The following DCLK2 variants were observed in gnomAD, a reference collection of about 807,000 sequenced individuals.
DCLK2 encodes serine/threonine-protein kinase DCLK2.
In DCLK2, 31 loss-of-function variants were observed where a neutral mutation model predicts 78.4. That is an observed-to-expected ratio of 0.40 (90% CI 0.30 to 0.53). DCLK2 has a LOEUF of 0.53. Ranked by LOEUF, DCLK2 falls within the 20% of genes least tolerant of loss-of-function variation. The pLI, the probability that DCLK2 is intolerant of heterozygous loss-of-function variation, is 0.61. For missense variants in DCLK2, 872 were observed against 973.7 expected (o/e 0.90, Z 1.39); for synonymous variants, 407 against 374.9 (o/e 1.09, Z -0.99).
chr4:150,080,318 G>A (rs1267669086), intron 1 of DCLK2, among the ~76,000 whole-genome samples: 3 of 152,200 alleles, frequency 2.0e-5, no homozygotes, highest in Non-Finnish European at 2.9e-5. Context: ...TGTCAACCAT[G>A]CCTCGGTCAA....
intron 2 of DCLK2, among the ~76,000 whole-genome samples, chr4:150,190,113 G>A (rs551463356): frequency 6.7e-6 from 1 of 149,040 alleles, no homozygotes; most frequent in South Asian, 2.1e-4. Context: ...GATCACTTGA[G>A]CCCAGGAGGT....
intron 2 of DCLK2, among the ~76,000 whole-genome samples, chr4:150,139,955 T>C (rs1733999464): frequency 6.6e-6 from 1 of 152,256 alleles, no homozygotes; most frequent in Admixed American, 6.5e-5. Context: ...TTGACAAATA[T>C]AGGCAAATTA....
chr4:150,083,172 T>C (rs1259132790), intron 1 of DCLK2, among the ~76,000 whole-genome samples: 1 of 152,166 alleles, frequency 6.6e-6, no homozygotes, highest in Non-Finnish European at 1.5e-5. Context: ...AGAAAATCGA[T>C]GAGGCTGCAC....
At chr4:150,249,420 A>G in intron 14 of DCLK2, 148 bp from the exon 15 acceptor site, 1 of 677,788 alleles carries the variant, frequency 1.5e-6, no homozygotes, top group Non-Finnish European at 2.7e-6. Flanking sequence ...TTGAAAGATC[A>G]TTGTTTCCCT....
At chr4:150,200,713 C>T (rs775232119) in intron 4 of DCLK2, among the ~76,000 whole-genome samples, 7 of 152,164 alleles carry the variant, frequency 4.6e-5, no homozygotes, top group Non-Finnish European at 7.3e-5. Context: ...GGGCAGAAGT[C>T]CTAAATGAAG....
intron 12 of DCLK2, among the ~76,000 whole-genome samples, chr4:150,240,764 A>G (rs1742865532): frequency 1.3e-5 from 1 of 78,040 alleles, no homozygotes; most frequent in Non-Finnish European, 3.1e-5. Flanking sequence ...AAAAAAAAAG[A>G]AAAAGAAAAA....
At chr4:150,182,289 C>G (rs370706478) in intron 2 of DCLK2, among the ~76,000 whole-genome samples, 1 of 152,036 alleles carries the variant, frequency 6.6e-6, no homozygotes, top group Non-Finnish European at 1.5e-5. Flanking sequence ...TCAAGCGATC[C>G]TCTCACCTCA....
At chr4:150,172,928 T>A (rs1214971138) in intron 2 of DCLK2, among the ~76,000 whole-genome samples, 1 of 152,170 alleles carries the variant, frequency 6.6e-6, no homozygotes. Flanking sequence ...AACCCTGTAC[T>A]ACATTTGTGT....
chr4:150,111,407 A>T (rs1731684160), intron 2 of DCLK2, among the ~76,000 whole-genome samples: 1 of 152,078 alleles, frequency 6.6e-6, no homozygotes, highest in South Asian at 2.1e-4. Context: ...TAGTTTGCAA[A>T]TATTTTCTCC....
At chr4:150,213,608 T>C (rs185410527) in intron 5 of DCLK2, among the ~76,000 whole-genome samples, 1 of 151,584 alleles carries the variant, frequency 6.6e-6, no homozygotes, top group African/African-American at 2.4e-5. Flanking sequence ...TATTTTTTTT[T>C]AAAAAAAAAT....
intron 7 of DCLK2, among the ~76,000 whole-genome samples, chr4:150,223,213 G>C (rs1296333652): frequency 2.0e-5 from 3 of 152,128 alleles, no homozygotes; most frequent in Admixed American, 2.0e-4. Flanking sequence ...GACTTTTAAA[G>C]ACTAGTCAGA....
At chr4:150,092,969 G>A (rs1372092171) in intron 1 of DCLK2, among the ~76,000 whole-genome samples, 3 of 152,008 alleles carry the variant, frequency 2.0e-5, no homozygotes, top group Non-Finnish European at 2.9e-5. Context: ...GAAATAAAAG[G>A]TACCTAAATC....
intron 2 of DCLK2, among the ~76,000 whole-genome samples, chr4:150,147,695 A>G (rs1734583600): frequency 6.6e-6 from 1 of 152,208 alleles, no homozygotes; most frequent in African/African-American, 2.4e-5. Context: ...CCTGGACTTC[A>G]TAGAAAGTTG....
chr4:150,118,234 A>G (rs765272623), intron 2 of DCLK2, among the ~76,000 whole-genome samples: 12 of 152,158 alleles, frequency 7.9e-5, no homozygotes, highest in Non-Finnish European at 1.6e-4. Flanking sequence ...GGGACAGGTC[A>G]AATAAGCTAA....
intron 1 of DCLK2, among the ~76,000 whole-genome samples, chr4:150,093,810 A>G (rs1259067107): frequency 2.0e-5 from 3 of 152,232 alleles, no homozygotes; most frequent in African/African-American, 7.2e-5. Flanking sequence ...ATTCCAAAAT[A>G]TATTACAAAG....
At chr4:150,253,326 C>A in intron 15 of DCLK2, 1 of 773,424 alleles carries the variant, frequency 1.3e-6, no homozygotes, top group Non-Finnish European at 2.0e-6. Context: ...AACTTACAGA[C>A]AGGACCTTCC....
chr4:150,137,351 A>C (rs1733767618), intron 2 of DCLK2, among the ~76,000 whole-genome samples: 1 of 152,086 alleles, frequency 6.6e-6, no homozygotes, highest in Admixed American at 6.5e-5. Flanking sequence ...GGAAACACAT[A>C]TGGCCTCTGG....
At chr4:150,119,044 T>TATAATA (rs70937317) in intron 2 of DCLK2, among the ~76,000 whole-genome samples, 49,390 of 114,960 alleles carry the variant, frequency 0.43, 8,419 homozygotes, top group East Asian at 0.47. Context: ...ACAATAATAA[T>TATAATA]ATAATAATAA....
intron 5 of DCLK2, among the ~76,000 whole-genome samples, chr4:150,211,558 G>GCC (rs1259587383): frequency 2.0e-5 from 3 of 152,064 alleles, no homozygotes; most frequent in Non-Finnish European, 4.4e-5. Flanking sequence ...CAAAATTTCT[G>GCC]CCCTGGGCTG....
Sources: allele counts gnomAD v4.1 joint callset (sites outside exome capture counted in the v4.1 genomes callset), GRCh38; gene constraint gnomAD v4.1.1; transcripts MANE v1.5; gene names NCBI Gene and HGNC (gene_info 2026-07-23, HGNC 2026-07-21).